The following FYB1 variants were observed in gnomAD, a reference collection of about 807,000 sequenced individuals.
FYB1 encodes FYN binding protein 1.
FYB1 carries 41 observed loss-of-function variants against 94.1 expected under a neutral mutation model. The observed-to-expected ratio is 0.44, with a 90% CI of 0.34 to 0.57. The LOEUF (loss-of-function observed/expected upper bound fraction) is 0.57. Among genes scored for constraint, FYB1 ranks in the 20% least tolerant of loss-of-function variants. The pLI is 0.02. For synonymous variants in FYB1, 367 were observed against 353.2 expected, an observed-to-expected ratio of 1.04 and a Z score of -0.44; for missense variants, 1,050 against 976.8, an observed-to-expected ratio of 1.07 and a Z score of -1.00.
intron 1 of FYB1, among the ~76,000 whole-genome samples, chr5:39,262,710 T>A (rs1388163363): frequency 3.3e-5 from 5 of 151,962 alleles, no homozygotes; most frequent in Non-Finnish European, 7.4e-5. Context: ...TAAATTACAA[T>A]AGAATTACAC....
chr5:39,228,202 C>T (rs900022131), intron 1 of FYB1, among the ~76,000 whole-genome samples: 2 of 152,212 alleles, frequency 1.3e-5, no homozygotes, highest in East Asian at 1.9e-4. Flanking sequence ...TAAGTAACCT[C>T]AAATGAAACA....
chr5:39,195,361 A>C (rs1184186282), intron 2 of FYB1, among the ~76,000 whole-genome samples: 3 of 152,214 alleles, frequency 2.0e-5, no homozygotes, highest in Admixed American at 1.3e-4. Flanking sequence ...ATATCTAATA[A>C]GGTCATGTTA....
chr5:39,173,809 T>C (rs974273331), intron 2 of FYB1, among the ~76,000 whole-genome samples: 2 of 152,200 alleles, frequency 1.3e-5, no homozygotes, highest in Admixed American at 1.3e-4. Flanking sequence ...TATATGTCTG[T>C]TTTTGTACCA....
intron 17 of FYB1, 74 bp downstream of exon 17, chr5:39,110,282 A>C (rs1027809832): frequency 1.2e-6 from 1 of 829,506 alleles, no homozygotes; most frequent in African/African-American, 1.8e-5. Context: ...TATTTAAGTA[A>C]TATTATAAAT....
Position 39,158,719 on chromosome 5 carries a change from G to A in FYB1, c.1136-5115C>T, listed in dbSNP as rs559714164. Among the ~76,000 whole-genome samples, 50 of 152,252 alleles carry A rather than the reference G, an allele frequency of 3.3e-4. No individual in the cohort carries two copies. The East Asian group carries it at 9.5e-3, about 29-fold the overall frequency. ...ACTTTTGACTAAGAAGGTACCTAAAGTCTTCATGTCCCGAGGGGCATAAGG... is the reference window on the plus strand; with the variant it reads ...ACTTTTGACTAAGAAGGTACCTAAAATCTTCATGTCCCGAGGGGCATAAGG... On this transcript the variant is annotated intron_variant, in intron 2 of 18. Coordinates refer to ENST00000512982, the MANE Select transcript of FYB1 (RefSeq NM_001465.6).
In FYB1 at chr5:39,118,891, C is replaced by A; in HGVS notation, c.2384G>T (p.Arg795Ile). The A allele has an allele frequency of 1.3e-6, 2 of 1,526,372 alleles. No homozygotes were observed. The highest frequency in any genetic ancestry group is 1.8e-6 in the Non-Finnish European group (2 of 1,129,406). The allele number at this position is 1,526,372 out of a possible 1,614,324, so 94.6% of individuals were successfully genotyped here. A position where few individuals can be genotyped will look rare whatever the true frequency, so the allele number is the denominator to read the frequency against. The change falls in exon 16 of 19, where the codon AGA (arginine) becomes ATA (isoleucine). Residue 795 changes from arginine (R) to isoleucine (I), a missense_variant. Transcript: ENST00000512982. ...TGACTTACATTTCCCTTCTTCATTT[C>A]TGCAGAGAACTTTTGTGTCATCTGT... The part of the protein sequence containing the change: ...QTTDDTKVLC[R>I]NEEGKYGYVL...
intron 3 of FYB1, among the ~76,000 whole-genome samples, chr5:39,145,987 G>A (rs1312381062): frequency 2.7e-5 from 4 of 150,448 alleles, no homozygotes; most frequent in East Asian, 1.9e-4. Flanking sequence ...AACGTGGCTC[G>A]CTGCAACTTC....
At chr5:39,177,618 T>A (rs958749405) in intron 2 of FYB1, among the ~76,000 whole-genome samples, 3 of 152,206 alleles carry the variant, frequency 2.0e-5, no homozygotes, top group Admixed American at 1.3e-4. Flanking sequence ...GCAAAACTAT[T>A]TTTTCCCACA....
At chr5:39,207,774 G>T (rs1270193057) in intron 1 of FYB1, among the ~76,000 whole-genome samples, 1 of 152,062 alleles carries the variant, frequency 6.6e-6, no homozygotes, top group African/African-American at 2.4e-5. Flanking sequence ...TAACTGGGGT[G>T]TGGGGGTGGG....
rs754679142 is a variant in FYB1, at chr5:39,108,194, A to C, written c.2467+37T>G. The stretch of plus-strand genomic sequence containing the variant: ...CATTTATAAAAACAGTAAATTCACT[A>C]TGACTGTTCTCTAGGGTGGTACTAC... On this transcript the variant is annotated intron_variant, in intron 18 of 18. Transcript: ENST00000512982. The C allele has an allele frequency of 4.7e-6, 7 of 1,484,554 alleles. No individual in the cohort carries two copies. The African/African-American group carries it at 8.4e-5, about 18-fold the overall frequency. 92.0% of individuals were successfully genotyped at this position (1,484,554 alleles called of 1,614,324 possible). A position where few individuals can be genotyped will look rare whatever the true frequency, so the allele number is the denominator to read the frequency against.
At position 39,107,186 on chromosome 5, in the gene FYB1, A is replaced by G. The variant is rs1036996621; in HGVS notation, c.*257T>C. The G allele has an allele frequency of 7.9e-5, 22 of 278,468 alleles. No homozygotes were observed. Among genetic ancestry groups the G allele is most frequent in the Non-Finnish European group, 1.2e-4 (17 of 146,210 alleles). 17.2% of individuals were successfully genotyped at this position (278,468 alleles called of 1,614,324 possible). A position where few individuals can be genotyped will look rare whatever the true frequency, so the allele number is the denominator to read the frequency against. On this transcript the variant is annotated 3_prime_UTR_variant, in exon 19 of 19. Coordinates refer to ENST00000512982, the MANE Select transcript of FYB1 (RefSeq NM_001465.6). Reference sequence around the variant, plus strand: ...AAGAAGTACCTTCAACTTCTTCATAATTGTAGCCAAAGCGGAAATGGAATA... The same window carrying G: ...AAGAAGTACCTTCAACTTCTTCATAGTTGTAGCCAAAGCGGAAATGGAATA...
At chr5:39,121,873 C>T (rs980845527) in intron 14 of FYB1, among the ~76,000 whole-genome samples, 2 of 151,620 alleles carry the variant, frequency 1.3e-5, no homozygotes, top group African/African-American at 4.9e-5. Context: ...ACGGAGGTGG[C>T]TTGAACAAGA....
At chr5:39,267,964 T>C (rs1018753632) in intron 1 of FYB1, among the ~76,000 whole-genome samples, 21 of 152,198 alleles carry the variant, frequency 1.4e-4, no homozygotes, top group African/African-American at 4.8e-4. Flanking sequence ...TCTATGGAAC[T>C]GATTAAAACA....
At chr5:39,156,891 G>A (rs1171925398) in intron 2 of FYB1, among the ~76,000 whole-genome samples, 1 of 152,094 alleles carries the variant, frequency 6.6e-6, no homozygotes, top group Non-Finnish European at 1.5e-5. Context: ...TGGAAAGAAA[G>A]GGGATGAATA....
upstream of FYB1, among the ~76,000 whole-genome samples, chr5:39,224,464 T>C (rs1750390754): frequency 6.6e-6 from 1 of 152,156 alleles, no homozygotes; most frequent in African/African-American, 2.4e-5. Flanking sequence ...CACGCCTTTC[T>C]GGAAGCTTGT....
chr5:39,270,753 T>C, intron 1 of FYB1: 1 of 481,394 alleles, frequency 2.1e-6, no homozygotes. Context: ...CCTCAGAGCA[T>C]TTGTATAGCT....
intron 2 of FYB1, among the ~76,000 whole-genome samples, chr5:39,195,434 A>G (rs868690519): frequency 6.6e-6 from 1 of 152,246 alleles, no homozygotes; most frequent in Non-Finnish European, 1.5e-5. Context: ...GGGCCTGTGA[A>G]GGAAAATCTT....
chr5:39,167,192 C>T (rs1025544013), intron 2 of FYB1, among the ~76,000 whole-genome samples: 8 of 151,932 alleles, frequency 5.3e-5, no homozygotes, highest in South Asian at 2.1e-4. Flanking sequence ...GTGGAGAGAG[C>T]GAGCGTTTTG....
intron 9 of FYB1, among the ~76,000 whole-genome samples, chr5:39,132,815 A>G (rs547831879): frequency 4.6e-5 from 7 of 152,356 alleles, no homozygotes; most frequent in Non-Finnish European, 8.8e-5. Flanking sequence ...AAAGGCACAC[A>G]CAAAGTATAT....
Sources: gnomAD v4.1 joint callset for allele counts (sites outside exome capture counted in the v4.1 genomes callset) on GRCh38, gnomAD v4.1.1 for gene constraint, MANE v1.5 for transcripts, NCBI Gene and HGNC (gene_info 2026-07-23, HGNC 2026-07-21) for gene names.